Variants in ANK3 observed in about 807,000 individuals in gnomAD.
ANK3 encodes ankyrin 3.
Under a neutral mutation model 370.9 loss-of-function variants are expected in ANK3, and 57 were observed. That is an observed-to-expected ratio of 0.15 (90% CI 0.12 to 0.19). The LOEUF (loss-of-function observed/expected upper bound fraction) is 0.19. ANK3 is among the 10% of genes least tolerant of loss of function. The pLI, the probability that ANK3 is intolerant of heterozygous loss-of-function variation, is 1.00. For synonymous variants in ANK3, 1,929 were observed against 1,946.3 expected (o/e 0.99, Z 0.23); for missense variants, 4,439 against 5,302.1 (o/e 0.84, Z 5.06).
chr10:60,568,711 A>G (rs1457955466), intron 2 of ANK3, among the ~76,000 whole-genome samples: 6 of 152,192 alleles, frequency 3.9e-5, no homozygotes, highest in African/African-American at 1.4e-4. Context: ...GGATGCTGCT[A>G]TGGACAAAAT....
chr10:60,418,804 G>C (rs957316560), intron 2 of ANK3, among the ~76,000 whole-genome samples: 3 of 151,492 alleles, frequency 2.0e-5, no homozygotes, highest in African/African-American at 7.3e-5. Context: ...AATTTTAAGA[G>C]AGCCTAAAAA....
chr10:60,598,496 T>G (rs572362608), intron 2 of ANK3, among the ~76,000 whole-genome samples: 5 of 152,318 alleles, frequency 3.3e-5, no homozygotes, highest in African/African-American at 1.2e-4. Context: ...CAGAAAAGAT[T>G]ACCTTGGAAA....
intron 1 of ANK3, among the ~76,000 whole-genome samples, chr10:60,313,353 T>C (rs2046748801): frequency 6.6e-6 from 1 of 152,176 alleles, no homozygotes; most frequent in South Asian, 2.1e-4. Context: ...GTGAATGTAA[T>C]ATTGTAAAAT....
At chr10:60,256,446 A>C (rs1355899356) in intron 7 of ANK3, among the ~76,000 whole-genome samples, 1 of 152,240 alleles carries the variant, frequency 6.6e-6, no homozygotes, top group East Asian at 1.9e-4. Context: ...GTGCTAAGCC[A>C]TGTTGGCCTC....
chr10:60,570,475 A>G (rs1567154602), intron 2 of ANK3, among the ~76,000 whole-genome samples: 1 of 152,192 alleles, frequency 6.6e-6, no homozygotes, highest in Admixed American at 6.5e-5. Context: ...TGCATTCTCA[A>G]TGGACAAAGA....
At chr10:60,696,333 G>A (rs1334349986) in intron 1 of ANK3, among the ~76,000 whole-genome samples, 46 of 146,096 alleles carry the variant, frequency 3.1e-4, no homozygotes, top group South Asian at 1.1e-3. Context: ...ACAAGGAGGA[G>A]CTGGTACCAT....
At chr10:60,086,534 G>A (rs2086720433) in intron 30 of ANK3, 143 bp downstream of exon 30, 2 of 676,516 alleles carry the variant, frequency 3.0e-6, no homozygotes, top group East Asian at 3.0e-5. Context: ...TGAGGTGATG[G>A]ACAAGTAAAA....
At chr10:60,339,054 T>A (rs1409004612) in intron 1 of ANK3, among the ~76,000 whole-genome samples, 1 of 152,186 alleles carries the variant, frequency 6.6e-6, no homozygotes, top group Non-Finnish European at 1.5e-5. Flanking sequence ...AATGTGTGCT[T>A]GTTTCTTTTC....
chr10:60,272,341 G>A (rs1441856664), intron 4 of ANK3, among the ~76,000 whole-genome samples: 1 of 152,064 alleles, frequency 6.6e-6, no homozygotes, highest in Non-Finnish European at 1.5e-5. Context: ...GCCAAAACCA[G>A]TATGGCTTTT....
intron 8 of ANK3, among the ~76,000 whole-genome samples, chr10:60,215,519 T>A (rs951149622): frequency 6.6e-6 from 1 of 152,232 alleles, no homozygotes; most frequent in African/African-American, 2.4e-5. Context: ...TTAATCCACC[T>A]TAAGCTAATT....
Position 60,234,614 on chromosome 10 carries a change from G to A in ANK3, c.897+74C>T, listed in dbSNP as rs2097300846. The stretch of plus-strand genomic sequence containing the variant: ...AGAAAACAAAGCTCATGTTGTATCA[G>A]TGCAAAGGTATCAGGAAAAGTATTC... On this transcript the variant is annotated intron_variant, in intron 8 of 43. Transcript: ENST00000280772. 3 of 857,738 alleles carry A rather than the reference G, an allele frequency of 3.5e-6. No individual in the cohort carries two copies. The South Asian group carries it at 4.2e-5, about 12-fold the overall frequency. 53.1% of individuals were successfully genotyped at this position (857,738 alleles called of 1,614,324 possible).
chr10:60,092,547 A>G (rs1447922697), intron 28 of ANK3, among the ~76,000 whole-genome samples: 2 of 152,190 alleles, frequency 1.3e-5, no homozygotes, highest in Non-Finnish European at 2.9e-5. Context: ...AACTTTTATT[A>G]TCAAACATTG....
chr10:60,288,742 G>T (rs1255260299), intron 1 of ANK3, among the ~76,000 whole-genome samples: 1 of 152,074 alleles, frequency 6.6e-6, no homozygotes, highest in Non-Finnish European at 1.5e-5. Context: ...GAAATAAAGA[G>T]TTTTGAGGAG....
intron 1 of ANK3, among the ~76,000 whole-genome samples, chr10:60,304,244 T>G (rs1484185107): frequency 1.9e-5 from 2 of 106,694 alleles, no homozygotes; most frequent in African/African-American, 6.8e-5. Context: ...GGGTAGATCT[T>G]AATTGTTCAT....
At chr10:60,427,649 A>G (rs1301909543) in intron 2 of ANK3, among the ~76,000 whole-genome samples, 1 of 152,148 alleles carries the variant, frequency 6.6e-6, no homozygotes, top group African/African-American at 2.4e-5. Context: ...TTTTGATTAT[A>G]GTTACCACGG....
Position 60,240,048 on chromosome 10 carries a change from C to CATAT in ANK3, c.799-5266_799-5263dup, listed in dbSNP as rs10629895. Among the ~76,000 whole-genome samples, 6 of 143,440 alleles carry CATAT rather than the reference C, an allele frequency of 4.2e-5. No homozygotes were observed. The East Asian group carries it at 5.9e-4, about 14-fold the overall frequency. 94.1% of individuals were successfully genotyped at this position (143,440 alleles called of 152,430 possible). ...ACACATATATATACACATATATATACATATATACACATATATACATATATA... is the reference window on the plus strand; with the variant it reads ...ACACATATATATACACATATATATACATATATATATACACATATATACATATATA... On this transcript the variant is annotated intron_variant, in intron 7 of 43. Transcript: ENST00000280772.
rs567098450 is a variant in ANK3 at position 60,406,649 on chromosome 10, G to C, written c.97-127010C>G. Among the ~76,000 whole-genome samples the C allele has an allele frequency of 2.6e-5, 4 of 152,242 alleles. 1 individual carries two copies. The South Asian group carries it at 8.3e-4, about 32-fold the overall frequency. ...ACAGACTGGTACCAGTCCACAGCCC[G>C]GGGGCTGAGGGCTCCTGCCCTAGAT... is the stretch of plus-strand genomic sequence containing the variant. On this transcript the variant is annotated intron_variant, in intron 2 of 43. Coordinates refer to the ANK3 transcript ENST00000373827.
At chr10:60,068,491 A>T in intron 37 of ANK3, 146 bp downstream of exon 37, 1 of 840,858 alleles carries the variant, frequency 1.2e-6, no homozygotes, top group Non-Finnish European at 1.8e-6. Context: ...ACAATGACAT[A>T]ATGAGAAACT....
At chr10:60,183,187 T>C (rs1291694739) in intron 17 of ANK3, among the ~76,000 whole-genome samples, 4 of 152,224 alleles carry the variant, frequency 2.6e-5, no homozygotes, top group Admixed American at 2.6e-4. Flanking sequence ...GCCAAGTTAT[T>C]ACATTTATGT....
Sources: gnomAD v4.1 joint callset for allele counts (sites outside exome capture counted in the v4.1 genomes callset) on GRCh38, gnomAD v4.1.1 for gene constraint, MANE v1.5 for transcripts, NCBI Gene and HGNC (gene_info 2026-07-23, HGNC 2026-07-21) for gene names.